Variants in SOX5 observed in about 807,000 individuals in gnomAD.
The protein encoded by SOX5 is transcription factor SOX-5.
A neutral mutation model predicts 92.0 loss-of-function variants in SOX5; 9 were observed. The ratio of observed to expected loss-of-function variants is 0.10; its 90% CI spans 0.06 to 0.17. The LOEUF (loss-of-function observed/expected upper bound fraction) is 0.17. Ranked by LOEUF, SOX5 falls within the 10% of genes least tolerant of loss-of-function variation. The probability of loss-of-function intolerance (pLI) is 1.00; values close to 1 mark genes in which losing one functional copy is unlikely to be tolerated. For synonymous variants in SOX5, 344 were observed against 336.3 expected, an observed-to-expected ratio of 1.02 and a Z score of -0.25; for missense variants, 642 against 944.5, an observed-to-expected ratio of 0.68 and a Z score of 4.20.
At chr12:24,244,937 C>T (rs1200303010) in intron 3 of SOX5, among the ~76,000 whole-genome samples, 3 of 152,020 alleles carry the variant, frequency 2.0e-5, no homozygotes. Context: ...GTGATTCAAC[C>T]GCCTCCCAAA....
intron 6 of SOX5, among the ~76,000 whole-genome samples, chr12:23,676,773 G>A (rs770642091): frequency 3.9e-5 from 6 of 152,104 alleles, no homozygotes; most frequent in Non-Finnish European, 5.9e-5. Context: ...GAGGAGATGC[G>A]GAAAAACCTA....
chr12:23,779,884 C>A (rs1272161896), intron 3 of SOX5, among the ~76,000 whole-genome samples: 6 of 142,074 alleles, frequency 4.2e-5, no homozygotes, highest in Non-Finnish European at 9.1e-5. Flanking sequence ...TGACTAATAA[C>A]CTAATGATAC....
chr12:24,053,281 C>G (rs886799384), intron 4 of SOX5, among the ~76,000 whole-genome samples: 1 of 151,642 alleles, frequency 6.6e-6, no homozygotes, highest in African/African-American at 2.4e-5. Context: ...GGGCCCACCA[C>G]CACACTTGGC....
At chr12:23,933,338 T>C (rs910250186) in intron 1 of SOX5, among the ~76,000 whole-genome samples, 4 of 151,764 alleles carry the variant, frequency 2.6e-5, no homozygotes, top group African/African-American at 9.6e-5. Context: ...AGTCTGGTAC[T>C]ATCCATGGTT....
At chr12:24,414,169 T>C (rs551288123) in intron 1 of SOX5, among the ~76,000 whole-genome samples, 1 of 152,220 alleles carries the variant, frequency 6.6e-6, no homozygotes, top group Non-Finnish European at 1.5e-5. Context: ...TTTTTCTTAT[T>C]TTTACTCATC....
At chr12:24,020,488 C>T (rs1243165786) in intron 4 of SOX5, among the ~76,000 whole-genome samples, 1 of 152,124 alleles carries the variant, frequency 6.6e-6, no homozygotes, top group Non-Finnish European at 1.5e-5. Flanking sequence ...TGTTTAGCCT[C>T]TTCATCCCTC....
chr12:23,727,181 T>C (rs1567265311), intron 6 of SOX5, among the ~76,000 whole-genome samples: 2 of 152,320 alleles, frequency 1.3e-5, no homozygotes, highest in Middle Eastern at 3.4e-3. Flanking sequence ...TTACAACTTC[T>C]AAACATTGTT....
chr12:24,084,451 T>C (rs1021659306), intron 4 of SOX5, among the ~76,000 whole-genome samples: 7 of 152,090 alleles, frequency 4.6e-5, no homozygotes, highest in African/African-American at 1.7e-4. Flanking sequence ...AAACCTAAGA[T>C]TCCTGATTCT....
intron 8 of SOX5, among the ~76,000 whole-genome samples, chr12:23,605,031 C>T (rs536278487): frequency 1.1e-4 from 8 of 75,212 alleles, no homozygotes; most frequent in Admixed American, 5.7e-4. Flanking sequence ...TGAAAGGCAA[C>T]GGGAAAAAAG....
intron 3 of SOX5, among the ~76,000 whole-genome samples, chr12:23,776,645 G>C (rs745356229): frequency 8.5e-5 from 13 of 152,134 alleles, no homozygotes; most frequent in Non-Finnish European, 1.9e-4. Flanking sequence ...GATGGTGGAA[G>C]GGAGGATAAT....
chr12:23,896,714 TAAAA>T (rs11306331), intron 1 of SOX5, among the ~76,000 whole-genome samples: 6 of 123,826 alleles, frequency 4.8e-5, no homozygotes, highest in African/African-American at 1.2e-4. Context: ...TGCAAGGTAG[TAAAA>T]AAAAAAAAAA....
chr12:24,239,023 G>T (rs1965066917), intron 3 of SOX5, among the ~76,000 whole-genome samples: 1 of 152,172 alleles, frequency 6.6e-6, no homozygotes, highest in South Asian at 2.1e-4. Flanking sequence ...ATAAGCATCT[G>T]TTGATATATT....
chr12:24,234,889 T>C (rs1482439042), intron 3 of SOX5, among the ~76,000 whole-genome samples: 1 of 152,068 alleles, frequency 6.6e-6, no homozygotes, highest in African/African-American at 2.4e-5. Flanking sequence ...GGGGTGCTCG[T>C]AGCATCTAGT....
chr12:24,248,409 T>TTTC (rs897334771), intron 3 of SOX5, among the ~76,000 whole-genome samples: 8 of 152,154 alleles, frequency 5.3e-5, no homozygotes, highest in Admixed American at 2.6e-4. Flanking sequence ...GTGTCTTTCT[T>TTTC]TTCTTCTTCT....
In SOX5 at chr12:24,527,733, G is replaced by T. The variant is rs545333276; in HGVS notation, c.-251+34596C>A. 7.2e-5 allele frequency among the ~76,000 whole-genome samples: 11 copies of T among 152,304 alleles called. No individual in the cohort carries two copies. In the South Asian group the frequency reaches 2.3e-3, roughly 32 times the overall value. The stretch of plus-strand genomic sequence containing the variant: ...GCATAGTACTACATTCAGCTTCTAT[G>T]TCCAACTCTTCACCTTGTAGCTATT... On this transcript the variant is annotated intron_variant, in intron 1 of 4. Transcript: ENST00000446891.
chr12:23,700,410 G>A (rs2090466525), intron 6 of SOX5, among the ~76,000 whole-genome samples: 1 of 152,068 alleles, frequency 6.6e-6, no homozygotes, highest in Non-Finnish European at 1.5e-5. Flanking sequence ...TCTCTCTTGA[G>A]ACTTTTCATT....
chr12:24,547,144 G>C (rs977960765), intron 1 of SOX5, among the ~76,000 whole-genome samples: 2 of 151,328 alleles, frequency 1.3e-5, no homozygotes, highest in Admixed American at 1.3e-4. Flanking sequence ...TAGTATAAGA[G>C]AGCCAAATAG....
chr12:24,411,699 G>A (rs1226277242), intron 1 of SOX5, among the ~76,000 whole-genome samples: 1 of 152,076 alleles, frequency 6.6e-6, no homozygotes, highest in Non-Finnish European at 1.5e-5. Context: ...TTTACATATT[G>A]TTGAATTCTA....
chr12:23,771,972 A>T (rs1222155786), intron 3 of SOX5, among the ~76,000 whole-genome samples: 1 of 152,244 alleles, frequency 6.6e-6, no homozygotes, highest in African/African-American at 2.4e-5. Context: ...ATAAATTCAT[A>T]GAAATATGTG....
Sources: allele counts gnomAD v4.1 joint callset (sites outside exome capture counted in the v4.1 genomes callset), GRCh38; gene constraint gnomAD v4.1.1; transcripts MANE v1.5; gene names NCBI Gene and HGNC (gene_info 2026-07-23, HGNC 2026-07-21).